The following INPP5D variants were observed in gnomAD, a reference collection of about 807,000 sequenced individuals.
INPP5D encodes the protein inositol polyphosphate-5-phosphatase D.
A neutral mutation model predicts 122.9 loss-of-function variants in INPP5D; 33 were observed. The ratio of observed to expected loss-of-function variants is 0.27; its 90% confidence interval spans 0.20 to 0.36. The LOEUF (loss-of-function observed/expected upper bound fraction) is 0.36. Ranked by LOEUF, INPP5D falls within the 10% of genes least tolerant of loss-of-function variation. The probability of loss-of-function intolerance (pLI) is 1.00; values close to 1 mark genes in which losing one functional copy is unlikely to be tolerated. For missense variants in INPP5D, 1,053 were observed against 1,412.7 expected (o/e 0.75, Z 4.08); for synonymous variants, 584 against 576.2 (o/e 1.01, Z -0.19).
chr2:233,137,681 C>T (rs377057717), intron 5 of INPP5D, among the ~76,000 whole-genome samples: 9 of 148,808 alleles, frequency 6.0e-5, no homozygotes, highest in African/African-American at 1.2e-4. Flanking sequence ...GTCTTGAACT[C>T]CTGACCTCAG....
chr2:233,134,278 T>G, intron 5 of INPP5D: 1 of 285,786 alleles, frequency 3.5e-6, no homozygotes, highest in Non-Finnish European at 7.0e-6. Flanking sequence ...ATGTGGGGGA[T>G]GCATTTGGGG....
At chr2:233,121,427 T>C (rs6717453) in intron 2 of INPP5D, among the ~76,000 whole-genome samples, 66,027 of 151,132 alleles carry the variant, frequency 0.44, 15,034 homozygotes, top group Non-Finnish European at 0.49. Context: ...CACAAGCCAC[T>C]GCACCCAGAC....
chr2:233,146,904 G>C (rs1693775169), intron 8 of INPP5D, among the ~76,000 whole-genome samples: 1 of 152,088 alleles, frequency 6.6e-6, no homozygotes, highest in Non-Finnish European at 1.5e-5. Flanking sequence ...CCCCAGCACT[G>C]GTCCCAAATT....
chr2:233,192,092 AG>A (rs1695072935), intron 22 of INPP5D, among the ~76,000 whole-genome samples: 1 of 152,108 alleles, frequency 6.6e-6, no homozygotes, highest in African/African-American at 2.4e-5. Flanking sequence ...CACTGGCAAG[AG>A]GGTCCCCAAG....
At chr2:233,173,673 T>C (rs1291458707) in intron 17 of INPP5D, among the ~76,000 whole-genome samples, 1 of 152,206 alleles carries the variant, frequency 6.6e-6, no homozygotes, top group Non-Finnish European at 1.5e-5. Flanking sequence ...GGCTTATGCC[T>C]GTAATCCCAG....
chr2:233,171,168 A>G lies in INPP5D; in HGVS notation c.1989+16A>G, dbSNP rs1443219538. 6.2e-7 allele frequency: 1 copy of G among 1,613,162 alleles called. No individual in the cohort carries two copies. Among genetic ancestry groups the G allele is most frequent in the East Asian group, 2.2e-5 (1 of 44,850 alleles). On this transcript the variant is annotated intron_variant, in intron 17 of 26. Coordinates refer to ENST00000445964, the MANE Select transcript of INPP5D (RefSeq NM_001017915.3). ...AGCGACAGGGGTGAGTCCTCTTCAT[A>G]GACACCTTCCCTGCCCTCCATCTCC...
At position 233,170,848 on chromosome 2, in the gene INPP5D, G is replaced by A. The variant is rs1411303652; in HGVS notation, c.1901-216G>A. Among the ~76,000 whole-genome samples the A allele has an allele frequency of 1.3e-5, 2 of 148,472 alleles. No individual in the cohort carries two copies. Among genetic ancestry groups the A allele is most frequent in the South Asian group, 2.1e-4 (1 of 4,684 alleles). On this transcript the variant is annotated intron_variant, in intron 16 of 26. Coordinates refer to ENST00000445964, the MANE Select transcript of INPP5D (RefSeq NM_001017915.3). The surrounding 1 kb of genome is among the most constrained non-coding windows in gnomAD (Gnocchi z 4.5). ...GTGAACCAGGGAGGCAGAGCTTGCA[G>A]TGAGCCAAGATCGCGCCACTGCACT...
intron 2 of INPP5D, among the ~76,000 whole-genome samples, chr2:233,094,052 C>T (rs1161361201): frequency 1.3e-5 from 2 of 152,094 alleles, no homozygotes; most frequent in Admixed American, 1.3e-4. Context: ...AGTGCTGCAG[C>T]CACAGGCCAC....
intron 6 of INPP5D, among the ~76,000 whole-genome samples, chr2:233,142,395 T>C (rs1451263244): frequency 6.6e-6 from 1 of 152,230 alleles, no homozygotes; most frequent in Non-Finnish European, 1.5e-5. Flanking sequence ...CTCCTGGATC[T>C]TTAGTCTCCC....
intron 2 of INPP5D, among the ~76,000 whole-genome samples, chr2:233,112,449 G>A (rs1692659353): frequency 6.6e-6 from 1 of 152,200 alleles, no homozygotes; most frequent in African/African-American, 2.4e-5. Flanking sequence ...GGCAACAGGT[G>A]TTGCAGGTAC....
intron 2 of INPP5D, among the ~76,000 whole-genome samples, chr2:233,110,016 C>G (rs961177593): frequency 1.3e-5 from 2 of 151,760 alleles, no homozygotes; most frequent in Non-Finnish European, 2.9e-5. Context: ...TCCCAAGTAG[C>G]TGAGACTATA....
At position 233,130,530 on chromosome 2, in the gene INPP5D, G is replaced by A; in HGVS notation, c.547G>A (p.Ala183Thr). Residue 183 changes from alanine to threonine, a missense_variant, in exon 5 of 27, where the codon GCC (alanine) becomes ACC (threonine). Coordinates refer to ENST00000445964, the MANE Select transcript of INPP5D (RefSeq NM_001017915.3). Reference sequence around the variant, plus strand: ...TAGGCTTCCAGAAGAGCATCTTAAGGCCATCCAAGATTATTTAAGCACTCA... The same window carrying A: ...TAGGCTTCCAGAAGAGCATCTTAAGACCATCCAAGATTATTTAAGCACTCA... Reference protein sequence around the residue: ...TSGLPEEHLKAIQDYLSTQLA... With the variant: ...TSGLPEEHLKTIQDYLSTQLA... The A allele has an allele frequency of 7.4e-6, 12 of 1,613,892 alleles. No homozygotes were observed. The Middle Eastern group carries it at 9.9e-4, about 133-fold the overall frequency.
rs974643701 is a variant in INPP5D, at chr2:233,080,988, G to A, written c.198+1590G>A. Among the ~76,000 whole-genome samples, 6 of 152,360 alleles carry A rather than the reference G, an allele frequency of 3.9e-5. No homozygotes were observed. In the East Asian group the frequency reaches 1.2e-3, roughly 29 times the overall value. On this transcript the variant is annotated intron_variant, in intron 2 of 26. Coordinates refer to ENST00000445964, the MANE Select transcript of INPP5D (RefSeq NM_001017915.3). The stretch of plus-strand genomic sequence containing the variant: ...GAACCACTCCCTGCGTAGTTAGGCT[G>A]GCATTGCTGCCGGCTGCCTCATCCT...
rs549593799 is a variant in INPP5D, at chr2:233,127,316, T to G, written c.524+1397T>G. ...GAGATGGGAATGAGTGAAGGGGGCA[T>G]GTGCAGAGACCAAGGAAAGCGGCGA... On this transcript the variant is annotated intron_variant, in intron 4 of 26. Transcript: ENST00000445964. Among the ~76,000 whole-genome samples the G allele has an allele frequency of 4.6e-5, 7 of 152,348 alleles. No homozygotes were observed. In the South Asian group the frequency reaches 1.4e-3, roughly 32 times the overall value.
intron 2 of INPP5D, among the ~76,000 whole-genome samples, chr2:233,095,723 A>G: frequency 6.9e-6 from 1 of 143,978 alleles, no homozygotes; most frequent in Admixed American, 7.1e-5. Context: ...TTTTTTTTAC[A>G]TTTAAAAGTT....
intron 18 of INPP5D, among the ~76,000 whole-genome samples, chr2:233,179,515 G>T (rs1211755816): frequency 2.0e-5 from 3 of 152,248 alleles, no homozygotes; most frequent in African/African-American, 7.2e-5. Context: ...AGGGAGATCA[G>T]TCCGGAAGTG....
At chr2:233,187,740 G>A (rs1227695332) in intron 21 of INPP5D, among the ~76,000 whole-genome samples, 1 of 152,192 alleles carries the variant, frequency 6.6e-6, no homozygotes, top group Non-Finnish European at 1.5e-5. Context: ...CTGTTCTGGG[G>A]CTGTCTTCAG....
rs1695502157 is a variant in INPP5D, at chr2:233,206,283, TTATG to T, written c.3568-419_3568-416del. On this transcript the variant is annotated intron_variant, in intron 26 of 26. Coordinates refer to ENST00000445964, the MANE Select transcript of INPP5D (RefSeq NM_001017915.3). The surrounding 1 kb of genome is among the most constrained non-coding windows in gnomAD (Gnocchi z 4.0). ...CTATATAGAAATTATATATTTATAT[TTATG>T]TATTTACATTGATATCCATTACATA... Among the ~76,000 whole-genome samples, 1 of 151,778 alleles carries T rather than the reference TTATG, an allele frequency of 6.6e-6. No homozygotes were observed. The highest frequency in any genetic ancestry group is 1.9e-4 in the East Asian group (1 of 5,182).
At chr2:233,199,838 G>GA (rs138458222) in intron 25 of INPP5D, among the ~76,000 whole-genome samples, 29,917 of 151,792 alleles carry the variant, frequency 0.2, 3,065 homozygotes, top group East Asian at 0.38. Context: ...CAAAAGAAAA[G>GA]AAAAAAAATG....
Sources: allele counts gnomAD v4.1 joint callset (sites outside exome capture counted in the v4.1 genomes callset), GRCh38; gene constraint gnomAD v4.1.1; non-coding constraint Gnocchi (gnomAD v3.1); transcripts MANE v1.5; gene names NCBI Gene and HGNC (gene_info 2026-07-23, HGNC 2026-07-21).